The following EPM2A variants were observed in gnomAD, a reference collection of about 807,000 sequenced individuals.
The protein encoded by EPM2A is laforin.
A neutral mutation model predicts 26.5 loss-of-function variants in EPM2A; 21 were observed. The ratio of observed to expected loss-of-function variants is 0.79; its 90% CI spans 0.56 to 1.14. EPM2A has a LOEUF of 1.14. Among genes scored for constraint, EPM2A ranks in the 50% most tolerant of loss-of-function variants. EPM2A has a pLI of 0.00. For missense variants in EPM2A, 458 were observed against 440.8 expected (o/e 1.04, Z -0.35); for synonymous variants, 217 against 177.6 (o/e 1.22, Z -1.76).
intron 4 of EPM2A, among the ~76,000 whole-genome samples, chr6:145,438,591 A>G (rs1174804079): frequency 1.3e-5 from 2 of 149,464 alleles, no homozygotes; most frequent in South Asian, 2.1e-4. Flanking sequence ...CTCCTGCCTC[A>G]GCCTCCTGAG....
downstream of EPM2A, among the ~76,000 whole-genome samples, chr6:145,624,810 T>C (rs1191442228): frequency 6.6e-6 from 1 of 152,234 alleles, no homozygotes; most frequent in African/African-American, 2.4e-5. Context: ...TTCATCATTA[T>C]TTCTTACACC....
Position 145,411,861 on chromosome 6 carries a change from G to T in EPM2A, c.556-27764C>A, listed in dbSNP as rs1252580672. 4.6e-5 allele frequency among the ~76,000 whole-genome samples: 7 copies of T among 152,240 alleles called. No homozygotes were observed. In the East Asian group the frequency reaches 5.8e-4, roughly 13 times the overall value. On this transcript the variant is annotated intron_variant, in intron 4 of 4. Coordinates refer to the EPM2A transcript ENST00000638717. Reference sequence around the variant, plus strand: ...CTCTCGGCCCTTTTTACAATAGTAGGTATAGAGCAAGGGGAAGGTGTGTCT... The same window carrying T: ...CTCTCGGCCCTTTTTACAATAGTAGTTATAGAGCAAGGGGAAGGTGTGTCT...
intron 4 of EPM2A, chr6:145,492,034 A>G (rs1335201182): frequency 5.8e-6 from 2 of 342,086 alleles, no homozygotes; most frequent in Admixed American, 7.2e-5. Context: ...TCAGTCGAGG[A>G]TCATCTGATG....
chr6:145,705,433 T>C, intron 1 of EPM2A: 1 of 392,214 alleles, frequency 2.5e-6, no homozygotes, highest in Non-Finnish European at 5.0e-6. Flanking sequence ...CACACACCTG[T>C]AGTCTCAGCT....
At chr6:145,504,123 C>A (rs1424423346) in intron 2 of EPM2A, among the ~76,000 whole-genome samples, 1 of 136,666 alleles carries the variant, frequency 7.3e-6, no homozygotes, top group East Asian at 2.4e-4. Flanking sequence ...AAACGTTAGA[C>A]CTAAAACCAT....
At chr6:145,597,751 T>G (rs552916913) in intron 2 of EPM2A, among the ~76,000 whole-genome samples, 1 of 152,250 alleles carries the variant, frequency 6.6e-6, no homozygotes, top group Non-Finnish European at 1.5e-5. Context: ...AAGGCCCCAG[T>G]GTCTGTTGTT....
chr6:145,453,313 TG>T (rs1180240699), intron 4 of EPM2A, among the ~76,000 whole-genome samples: 1 of 151,962 alleles, frequency 6.6e-6, no homozygotes, highest in Non-Finnish European at 1.5e-5. Context: ...AGAATGGAGG[TG>T]GGGGGAAAAA....
chr6:145,566,950 A>G (rs1780891717), intron 2 of EPM2A, among the ~76,000 whole-genome samples: 2 of 152,190 alleles, frequency 1.3e-5, no homozygotes, highest in South Asian at 2.1e-4. Context: ...CTTTCTTAGA[A>G]ATCACAGAAA....
At position 145,485,803 on chromosome 6, in the gene EPM2A, C is replaced by T. The variant is rs57746597; in HGVS notation, c.555+16719G>A. Among the ~76,000 whole-genome samples, 487 of 152,234 alleles carry T rather than the reference C, an allele frequency of 3.2e-3. 7 individuals carry two copies. The highest frequency in any genetic ancestry group is 0.011 in the African/African-American group (466 of 41,538). On this transcript the variant is annotated intron_variant, in intron 4 of 4. Transcript: ENST00000638717. ...CAGTTCCATGTGGCTGGGGAAGCCT[C>T]GCAATCATGATGCAAGGCAAAAGGC...
chr6:145,431,719 G>C (rs892173159), intron 4 of EPM2A, among the ~76,000 whole-genome samples: 1 of 152,118 alleles, frequency 6.6e-6, no homozygotes, highest in Non-Finnish European at 1.5e-5. Context: ...AGATGAGTGT[G>C]ACTGCAGTAA....
intron 2 of EPM2A, among the ~76,000 whole-genome samples, chr6:145,656,847 A>C (rs1292038980): frequency 6.6e-5 from 10 of 152,204 alleles, no homozygotes; most frequent in Non-Finnish European, 1.0e-4. Flanking sequence ...AAATTCCTTT[A>C]ATGGTCTGGC....
At chr6:145,427,476 A>G (rs570276614) in intron 4 of EPM2A, among the ~76,000 whole-genome samples, 1 of 152,262 alleles carries the variant, frequency 6.6e-6, no homozygotes, top group South Asian at 2.1e-4. Context: ...GTGGTAAGAG[A>G]TAAGATTATC....
chr6:145,386,842 G>A (rs1278183449), intron 4 of EPM2A, among the ~76,000 whole-genome samples: 1 of 152,082 alleles, frequency 6.6e-6, no homozygotes, highest in Non-Finnish European at 1.5e-5. Context: ...ATAATCAGTG[G>A]GATTTTTCGT....
intron 4 of EPM2A, among the ~76,000 whole-genome samples, chr6:145,398,679 G>A (rs1473452031): frequency 2.0e-5 from 3 of 151,958 alleles, no homozygotes; most frequent in African/African-American, 7.3e-5. Context: ...CACCAACATG[G>A]CGAAACCCCA....
intron 2 of EPM2A, chr6:145,638,820 T>A (rs898490712): frequency 9.9e-5 from 15 of 152,060 alleles, no homozygotes; most frequent in African/African-American, 3.1e-4. Flanking sequence ...GTGCATCCTA[T>A]TTCAGTTTGT....
intron 2 of EPM2A, among the ~76,000 whole-genome samples, chr6:145,644,132 G>GGGATGA (rs1397207050): frequency 6.6e-6 from 1 of 152,106 alleles, no homozygotes; most frequent in Non-Finnish European, 1.5e-5. Flanking sequence ...AGTTCATAAT[G>GGGATGA]TTCAGCTATA....
rs532987516 is a variant in EPM2A at position 145,523,731 on chromosome 6, T to C, written c.341-21156A>G. On this transcript the variant is annotated intron_variant, in intron 2 of 3. Coordinates refer to the EPM2A transcript ENST00000450221. Reference sequence around the variant, plus strand: ...AATATCCTACAATGACCTCTAAGTGTTCAAGTGAAAGAAAGAGTCCCATGT... The same window carrying C: ...AATATCCTACAATGACCTCTAAGTGCTCAAGTGAAAGAAAGAGTCCCATGT... 3.3e-5 allele frequency among the ~76,000 whole-genome samples: 5 copies of C among 152,304 alleles called. No homozygotes were observed. In the East Asian group the frequency reaches 7.7e-4, roughly 23 times the overall value.
At chr6:145,646,165 T>A (rs1582958025) in intron 2 of EPM2A, among the ~76,000 whole-genome samples, 2 of 152,214 alleles carry the variant, frequency 1.3e-5, no homozygotes, top group East Asian at 1.9e-4. Flanking sequence ...GTTTCTTTTT[T>A]CTTTTTTTGA....
chr6:145,400,437 T>C (rs953919288), intron 4 of EPM2A, among the ~76,000 whole-genome samples: 21 of 152,134 alleles, frequency 1.4e-4, no homozygotes, highest in Admixed American at 1.4e-3. Flanking sequence ...AACCAGCCCA[T>C]TCAAAAGATT....
Sources: gnomAD v4.1 joint callset for allele counts (sites outside exome capture counted in the v4.1 genomes callset) on GRCh38, gnomAD v4.1.1 for gene constraint, MANE v1.5 for transcripts, NCBI Gene and HGNC (gene_info 2026-07-23, HGNC 2026-07-21) for gene names.